EYS: variants seen among roughly 807,000 people sequenced by gnomAD.
EYS encodes EGF-like photoreceptor maintenance factor.
A neutral mutation model predicts 282.1 loss-of-function variants in EYS; 250 were observed. The ratio of observed to expected loss-of-function variants is 0.89; its 90% CI spans 0.80 to 0.98. The LOEUF (loss-of-function observed/expected upper bound fraction) is 0.98. EYS is among the 50% of genes least tolerant of loss of function. The pLI is 0.00. For missense variants in EYS, 4,016 were observed against 3,709.0 expected, an observed-to-expected ratio of 1.08 and a Z score of -2.15; for synonymous variants, 1,355 against 1,282.9, an observed-to-expected ratio of 1.06 and a Z score of -1.20.
intron 19 of EYS, among the ~76,000 whole-genome samples, chr6:64,866,567 G>T (rs1583238547): frequency 6.6e-6 from 1 of 151,644 alleles, no homozygotes; most frequent in South Asian, 2.1e-4. Context: ...GTGCTCAAAA[G>T]GCCTCTAGTT....
At chr6:64,937,294 C>T (rs192719461) in intron 15 of EYS, among the ~76,000 whole-genome samples, 1 of 151,574 alleles carries the variant, frequency 6.6e-6, no homozygotes, top group Non-Finnish European at 1.5e-5. Context: ...GAAAATGAGT[C>T]AATTGGTTGT....
At chr6:65,268,778 G>A (rs528848505) in intron 12 of EYS, among the ~76,000 whole-genome samples, 3 of 149,232 alleles carry the variant, frequency 2.0e-5, no homozygotes, top group African/African-American at 7.3e-5. Flanking sequence ...ATTGTTTTTT[G>A]TAACATAACG....
At chr6:63,994,716 AT>A (rs1767757060) in intron 34 of EYS, among the ~76,000 whole-genome samples, 1 of 151,960 alleles carries the variant, frequency 6.6e-6, no homozygotes, top group Non-Finnish European at 1.5e-5. Context: ...CTATGATAAT[AT>A]TTTCAATGAA....
chr6:65,317,055 G>T (rs1417085421), intron 11 of EYS, among the ~76,000 whole-genome samples: 1 of 152,034 alleles, frequency 6.6e-6, no homozygotes. Flanking sequence ...TTATAACTAT[G>T]ATTTCTCTTT....
intron 12 of EYS, among the ~76,000 whole-genome samples, chr6:65,167,597 T>C (rs59927067): frequency 0.12 from 18,000 of 151,154 alleles, 1,379 homozygotes; most frequent in African/African-American, 0.21. Context: ...GATTAAAAGA[T>C]AGAAGGATAG....
At chr6:65,298,904 C>T (rs962370063) in intron 11 of EYS, among the ~76,000 whole-genome samples, 4 of 151,968 alleles carry the variant, frequency 2.6e-5, no homozygotes, top group Non-Finnish European at 5.9e-5. Flanking sequence ...ATTTCACCCT[C>T]AGAAGGCACT....
At chr6:64,488,384 G>C (rs1001046593) in intron 26 of EYS, among the ~76,000 whole-genome samples, 1 of 150,986 alleles carries the variant, frequency 6.6e-6, no homozygotes, top group Non-Finnish European at 1.5e-5. Context: ...TACCTGGAAA[G>C]TGCTCATAAA....
intron 12 of EYS, among the ~76,000 whole-genome samples, chr6:65,083,173 A>C (rs567244310): frequency 6.6e-6 from 1 of 152,068 alleles, no homozygotes; most frequent in East Asian, 1.9e-4. Context: ...TCATTTATTC[A>C]TTTTCTCAGT....
At chr6:64,718,227 C>T (rs1771460129) in intron 22 of EYS, among the ~76,000 whole-genome samples, 1 of 152,066 alleles carries the variant, frequency 6.6e-6, no homozygotes, top group Non-Finnish European at 1.5e-5. Context: ...GGTAGGAATC[C>T]ACAACAGTGC....
At chr6:65,393,385 A>C (rs1766135887) in intron 7 of EYS, among the ~76,000 whole-genome samples, 1 of 152,316 alleles carries the variant, frequency 6.6e-6, no homozygotes, top group East Asian at 1.9e-4. Flanking sequence ...ATAGCAGCCC[A>C]GCTTTTGAGA....
chr6:65,074,050 T>G (rs1773976755), intron 12 of EYS, among the ~76,000 whole-genome samples: 1 of 151,982 alleles, frequency 6.6e-6, no homozygotes, highest in Non-Finnish European at 1.5e-5. Flanking sequence ...GTTATAAGAG[T>G]GCATTACCTT....
rs575462636 is a variant in EYS, at chr6:64,689,917, A to G, written c.3444-63672T>C. Among the ~76,000 whole-genome samples the G allele has an allele frequency of 4.4e-4, 67 of 152,256 alleles. 1 individual carries two copies. The highest frequency in any genetic ancestry group is 8.1e-4 in the Non-Finnish European group (55 of 68,020). ...AATACCATTCAGGACACAGGCATGG[A>G]CAAGGACTTCACGTCTAAAACACCA... On this transcript the variant is annotated intron_variant, in intron 22 of 42. Transcript: ENST00000503581.
At chr6:64,559,954 C>CT (rs1271644607) in intron 26 of EYS, among the ~76,000 whole-genome samples, 1 of 152,190 alleles carries the variant, frequency 6.6e-6, no homozygotes, top group African/African-American at 2.4e-5. Context: ...TTGTTCTCCT[C>CT]TTTGAGTCCA....
At chr6:64,532,142 C>G (rs1309234896) in intron 26 of EYS, among the ~76,000 whole-genome samples, 4 of 152,162 alleles carry the variant, frequency 2.6e-5, no homozygotes, top group African/African-American at 9.7e-5. Flanking sequence ...ATAAAATTTT[C>G]CAGTAACCCA....
chr6:64,391,295 A>G (rs1490257166), intron 28 of EYS, among the ~76,000 whole-genome samples: 6 of 151,836 alleles, frequency 4.0e-5, no homozygotes, highest in African/African-American at 1.5e-4. Flanking sequence ...ATACTCCTCG[A>G]GAAGAGCAAC....
chr6:65,472,295 A>AT, intron 5 of EYS, among the ~76,000 whole-genome samples: 1 of 152,220 alleles, frequency 6.6e-6, no homozygotes, highest in East Asian at 1.9e-4. Flanking sequence ...ATGGAAGAAT[A>AT]TGGGTATGTT....
chr6:64,039,942 T>C (rs2149836436), intron 33 of EYS, among the ~76,000 whole-genome samples: 1 of 152,310 alleles, frequency 6.6e-6, no homozygotes, highest in African/African-American at 2.4e-5. Flanking sequence ...GATTTCCACA[T>C]TGCATACTTA....
chr6:65,050,694 C>T (rs1452514645), intron 13 of EYS, among the ~76,000 whole-genome samples: 2 of 151,522 alleles, frequency 1.3e-5, no homozygotes, highest in African/African-American at 2.4e-5. Flanking sequence ...ATCTGTAGAT[C>T]CCCATTGTAG....
At chr6:64,734,124 GAA>G (rs5876917) in intron 22 of EYS, among the ~76,000 whole-genome samples, 79 of 147,642 alleles carry the variant, frequency 5.4e-4, no homozygotes, top group Middle Eastern at 6.9e-3. Flanking sequence ...TATTTTAAGG[GAA>G]AAAAAAAAAC....
Sources: allele counts gnomAD v4.1 joint callset (sites outside exome capture counted in the v4.1 genomes callset), GRCh38; gene constraint gnomAD v4.1.1; transcripts MANE v1.5; gene names NCBI Gene and HGNC (gene_info 2026-07-23, HGNC 2026-07-21).